The following LRRC40 variants were observed in gnomAD, a reference collection of about 807,000 sequenced individuals.
LRRC40 encodes the protein leucine-rich repeat-containing protein 40.
In LRRC40, 76 loss-of-function variants were observed where a neutral mutation model predicts 72.8. That is an observed-to-expected ratio of 1.04 (90% confidence interval 0.87 to 1.26). LRRC40 has a LOEUF of 1.26. Among genes scored for constraint, LRRC40 ranks in the 50% most tolerant of loss-of-function variants. The pLI is 0.00. For missense variants in LRRC40, 684 were observed against 698.9 expected (o/e 0.98, Z 0.24); for synonymous variants, 243 against 254.2 (o/e 0.96, Z 0.42).
At chr1:70,205,246 G>T in intron 1 of LRRC40, 144 bp downstream of exon 1, 1 of 740,882 alleles carries the variant, frequency 1.3e-6, no homozygotes, top group Non-Finnish European at 2.1e-6. Flanking sequence ...CGGTCGAAAT[G>T]AGCACAGGGA....
chr1:70,151,045 T>G, intron 13 of LRRC40, 83 bp downstream of exon 13: 3 of 719,082 alleles, frequency 4.2e-6, no homozygotes, highest in Non-Finnish European at 7.1e-6. Flanking sequence ...GGGGCCTTTT[T>G]GTTTTTTTGG....
intron 6 of LRRC40, among the ~76,000 whole-genome samples, chr1:70,176,985 A>G (rs1668120476): frequency 6.6e-6 from 1 of 152,234 alleles, no homozygotes; most frequent in Non-Finnish European, 1.5e-5. Flanking sequence ...TCATAACTAC[A>G]TAAAACTAGG....
intron 11 of LRRC40, among the ~76,000 whole-genome samples, chr1:70,154,891 A>C (rs1667603191): frequency 2.0e-5 from 3 of 152,136 alleles, no homozygotes; most frequent in Admixed American, 2.0e-4. Context: ...GAGAAAACTA[A>C]GAACAGCTAG....
intron 11 of LRRC40, among the ~76,000 whole-genome samples, chr1:70,155,333 G>C (rs927176281): frequency 4.0e-5 from 6 of 151,894 alleles, no homozygotes; most frequent in Non-Finnish European, 7.4e-5. Flanking sequence ...ATGTTAGACA[G>C]TCTCTTAACA....
At chr1:70,184,731 A>G in intron 4 of LRRC40, 54 bp downstream of exon 4, 1 of 1,508,812 alleles carries the variant, frequency 6.6e-7, no homozygotes, top group Non-Finnish European at 8.9e-7. Flanking sequence ...TCTCAGCCTG[A>G]TGAAAAATCC....
intron 13 of LRRC40, among the ~76,000 whole-genome samples, chr1:70,150,836 A>C (rs1329148820): frequency 2.6e-5 from 4 of 152,230 alleles, no homozygotes; most frequent in Non-Finnish European, 5.9e-5. Flanking sequence ...ATCTCAGAAG[A>C]CATTTTCCTG....
chr1:70,150,679 A>C (rs1667458888), intron 13 of LRRC40, among the ~76,000 whole-genome samples: 1 of 152,130 alleles, frequency 6.6e-6, no homozygotes, highest in South Asian at 2.1e-4. Flanking sequence ...GAACTTCTTG[A>C]AGTTTCCCAG....
chr1:70,187,691 C>A (rs149027405), intron 2 of LRRC40, among the ~76,000 whole-genome samples: 1 of 151,616 alleles, frequency 6.6e-6, no homozygotes, highest in African/African-American at 2.4e-5. Flanking sequence ...ATTAGTCAGG[C>A]GTAGTGGCGC....
intron 13 of LRRC40, among the ~76,000 whole-genome samples, chr1:70,150,626 C>A (rs1201210833): frequency 6.6e-6 from 1 of 152,188 alleles, no homozygotes; most frequent in East Asian, 1.9e-4. Context: ...TTATCTGTTC[C>A]TTCTACTCCT....
intron 1 of LRRC40, among the ~76,000 whole-genome samples, chr1:70,191,283 T>G (rs1165942099): frequency 6.6e-6 from 1 of 152,164 alleles, no homozygotes; most frequent in Non-Finnish European, 1.5e-5. Context: ...ATAGAACATT[T>G]GTGCATGCAT....
At chr1:70,193,812 CAAT>C (rs1668552501) in intron 1 of LRRC40, among the ~76,000 whole-genome samples, 1 of 151,902 alleles carries the variant, frequency 6.6e-6, no homozygotes, top group Non-Finnish European at 1.5e-5. Context: ...GAAAATTAAT[CAAT>C]AAAAGCTACC....
chr1:70,204,564 A>G (rs1488010461), intron 1 of LRRC40, among the ~76,000 whole-genome samples: 2 of 152,170 alleles, frequency 1.3e-5, no homozygotes, highest in African/African-American at 4.8e-5. Context: ...ATTCATTCAG[A>G]AGCATTTGCT....
At chr1:70,178,394 T>C (rs1291712871) in intron 6 of LRRC40, among the ~76,000 whole-genome samples, 3 of 152,166 alleles carry the variant, frequency 2.0e-5, no homozygotes, top group African/African-American at 7.2e-5. Context: ...AAGGTATATA[T>C]AAAAAAGGCA....
At chr1:70,185,983 G>A (rs1668351430) in intron 3 of LRRC40, among the ~76,000 whole-genome samples, 1 of 152,096 alleles carries the variant, frequency 6.6e-6, no homozygotes, top group South Asian at 2.1e-4. Flanking sequence ...GAAATACAAG[G>A]TGCTTACAAT....
intron 1 of LRRC40, 65 bp downstream of exon 1, chr1:70,205,325 G>A: frequency 7.0e-7 from 1 of 1,435,946 alleles, no homozygotes; most frequent in African/African-American, 1.4e-5. Flanking sequence ...CAGAGAAAAG[G>A]GAGGTTGCCT....
chr1:70,184,900 T>G lies in LRRC40; in HGVS notation c.422A>C (p.Lys141Thr). The G allele has an allele frequency of 6.2e-7, 1 of 1,602,518 alleles. No homozygotes were observed. Among genetic ancestry groups the G allele is most frequent in the Non-Finnish European group, 8.5e-7 (1 of 1,170,746 alleles). Residue 141 changes from lysine (K) to threonine (T), a missense_variant, in exon 4 of 15, where the codon AAA (lysine) becomes ACA (threonine). Lys to Thr is a moderately conservative substitution (Grantham distance 78). Coordinates refer to ENST00000370952, the MANE Select transcript of LRRC40 (RefSeq NM_017768.5). The part of the protein sequence containing the change: ...QKLNVSHNKL[K>T]ILPEEITNLR... ...GTTTGTAATTTCTTCAGGGAGTATT[T>G]TCAGTTTATTATGGCTATTGGTTGA...
At chr1:70,161,447 G>A (rs999883051) in intron 9 of LRRC40, among the ~76,000 whole-genome samples, 1 of 151,252 alleles carries the variant, frequency 6.6e-6, no homozygotes. Context: ...AGCTACTAGG[G>A]AGGCTGAGGC....
At chr1:70,197,145 CT>C (rs1668629892) in intron 1 of LRRC40, among the ~76,000 whole-genome samples, 1 of 129,052 alleles carries the variant, frequency 7.7e-6, no homozygotes, top group African/African-American at 3.0e-5. Flanking sequence ...AACTGATGAA[CT>C]TGATTTTTAA....
chr1:70,156,787 C>G (rs987755651), intron 10 of LRRC40, among the ~76,000 whole-genome samples: 23 of 152,074 alleles, frequency 1.5e-4, no homozygotes, highest in African/African-American at 5.1e-4. Context: ...GAGGGCAGGT[C>G]AGAGAGGGAT....
Sources: allele counts gnomAD v4.1 joint callset (sites outside exome capture counted in the v4.1 genomes callset), GRCh38; gene constraint gnomAD v4.1.1; transcripts MANE v1.5; gene names NCBI Gene and HGNC (gene_info 2026-07-23, HGNC 2026-07-21).